PRIM2: variants seen among roughly 807,000 people sequenced by gnomAD.
The protein encoded by PRIM2 is DNA primase subunit 2.
Under a neutral mutation model 67.3 loss-of-function variants are expected in PRIM2, and 39 were observed. The observed-to-expected ratio is 0.58, with a 90% CI of 0.45 to 0.76. The LOEUF (loss-of-function observed/expected upper bound fraction) is 0.76, where lower values mean the gene tolerates loss of function less well. PRIM2 is among the 30% of genes least tolerant of loss of function. PRIM2 has a pLI of 0.00. For missense variants in PRIM2, 398 were observed against 598.7 expected (o/e 0.66, Z 3.50); for synonymous variants, 143 against 198.7 (o/e 0.72, Z 2.36).
chr6:57,504,651 T>C (rs1249422512), intron 7 of PRIM2, among the ~76,000 whole-genome samples: 1 of 152,182 alleles, frequency 6.6e-6, no homozygotes, highest in African/African-American at 2.4e-5. Flanking sequence ...CTTCCTTCTC[T>C]TTCATTCTTG....
At chr6:57,641,733 C>CAGATGCTGG (rs1412399251) in intron 13 of PRIM2, among the ~76,000 whole-genome samples, 1 of 152,150 alleles carries the variant, frequency 6.6e-6, no homozygotes, top group Non-Finnish European at 1.5e-5. Flanking sequence ...CAGGAAACAA[C>CAGATGCTGG]AGATGCTGGA....
chr6:57,564,670 A>T (rs1775702348), intron 10 of PRIM2, among the ~76,000 whole-genome samples: 1 of 152,116 alleles, frequency 6.6e-6, no homozygotes, highest in South Asian at 2.1e-4. Context: ...TATTTTGTGG[A>T]TGGTTTTGTT....
the PRIM2 span, among the ~76,000 whole-genome samples, chr6:57,302,786 A>G: frequency 6.6e-6 from 1 of 152,202 alleles, no homozygotes; most frequent in Non-Finnish European, 1.5e-5. Flanking sequence ...ATTCAAATAA[A>G]ATGACTGTTG....
chr6:57,492,416 A>G (rs1323576513), intron 7 of PRIM2, among the ~76,000 whole-genome samples: 1 of 151,804 alleles, frequency 6.6e-6, no homozygotes, highest in African/African-American at 2.4e-5. Context: ...GGTGGTGGGT[A>G]CCTGTAATCC....
chr6:57,237,941 C>T, the PRIM2 span, among the ~76,000 whole-genome samples: 1 of 151,984 alleles, frequency 6.6e-6, no homozygotes, highest in Non-Finnish European at 1.5e-5. Context: ...GACTTTAAAC[C>T]AATGACGATC....
intron 7 of PRIM2, among the ~76,000 whole-genome samples, chr6:57,474,589 G>A (rs1265635308): frequency 2.6e-5 from 4 of 151,908 alleles, no homozygotes; most frequent in African/African-American, 9.7e-5. Context: ...TACTTGTGGC[G>A]GGTATTCCTA....
At chr6:57,551,767 C>T (rs1775408085) in intron 10 of PRIM2, among the ~76,000 whole-genome samples, 1 of 152,082 alleles carries the variant, frequency 6.6e-6, no homozygotes, top group Non-Finnish European at 1.5e-5. Flanking sequence ...GTGATTACTG[C>T]TATGAAGAAA....
intron 5 of PRIM2, among the ~76,000 whole-genome samples, chr6:57,364,139 A>G (rs1357105686): frequency 7.1e-6 from 1 of 140,952 alleles, no homozygotes; most frequent in Non-Finnish European, 1.6e-5. Context: ...ATATTTTAAT[A>G]TTTGCTTTTC....
intron 8 of PRIM2, among the ~76,000 whole-genome samples, chr6:57,524,429 C>A (rs1554349175): frequency 1.3e-5 from 2 of 152,096 alleles, no homozygotes; most frequent in Admixed American, 6.5e-5. Flanking sequence ...TGGCTGGGCA[C>A]GGTGGCTCAC....
the PRIM2 span, among the ~76,000 whole-genome samples, chr6:57,277,314 C>A: frequency 1.3e-5 from 2 of 152,298 alleles, no homozygotes; most frequent in South Asian, 4.1e-4. Context: ...CCCTCATGAG[C>A]TTAGGTGTCT....
At chr6:57,242,799 C>A in the PRIM2 span, among the ~76,000 whole-genome samples, 1 of 152,130 alleles carries the variant, frequency 6.6e-6, no homozygotes, top group South Asian at 2.1e-4. Flanking sequence ...ATGATGTAAT[C>A]TGATCTGGAT....
chr6:57,553,398 G>GA (rs1350377476), intron 10 of PRIM2, among the ~76,000 whole-genome samples: 1 of 151,492 alleles, frequency 6.6e-6, no homozygotes, highest in Non-Finnish European at 1.5e-5. Flanking sequence ...ATTGCCTCTT[G>GA]AAAAATCTAT....
chr6:57,509,958 T>TTA (rs1334505825), intron 8 of PRIM2, among the ~76,000 whole-genome samples: 5 of 151,712 alleles, frequency 3.3e-5, no homozygotes, highest in Non-Finnish European at 5.9e-5. Flanking sequence ...TGCTCCACTT[T>TTA]TATAACAACT....
At chr6:57,511,875 A>G (rs1246183232) in intron 8 of PRIM2, among the ~76,000 whole-genome samples, 3 of 152,190 alleles carry the variant, frequency 2.0e-5, no homozygotes, top group Admixed American at 6.5e-5. Context: ...ATACAGACCC[A>G]CAGTTGAAGA....
At chr6:57,323,238 T>C (rs1767722373) in intron 3 of PRIM2, among the ~76,000 whole-genome samples, 1 of 152,162 alleles carries the variant, frequency 6.6e-6, no homozygotes, top group African/African-American at 2.4e-5. Flanking sequence ...CGAAATTATA[T>C]TTTCCAAATT....
At chr6:57,468,783 G>A (rs1454252138) in intron 7 of PRIM2, among the ~76,000 whole-genome samples, 3 of 152,202 alleles carry the variant, frequency 2.0e-5, no homozygotes, top group Admixed American at 2.0e-4. Context: ...ATACTTAGTG[G>A]ATAACTATGT....
Position 57,646,147 on chromosome 6 carries a change from G to T in PRIM2, c.1519G>T (p.Glu507Ter). ...GGAAGGACTAGAAGATTACTTTAGT[G>T]AAGATTCTTAGGCAGTTTTATAACC... The part of the protein sequence containing the change: ...DMEGLEDYFS[E>*]DS Residue 507 changes from glutamate (E) to a stop codon, truncating the protein, a stop_gained, in exon 14 of 14, where the codon GAA (glutamate) becomes TAA (stop). Transcript: ENST00000615550. LOFTEE classifies it high-confidence loss of function. 6.4e-7 allele frequency: 1 copy of T among 1,571,526 alleles called. No individual in the cohort carries two copies. The highest frequency in any genetic ancestry group is 1.3e-5 in the African/African-American group (1 of 74,112).
intron 5 of PRIM2, among the ~76,000 whole-genome samples, chr6:57,376,495 C>G (rs1769769677): frequency 1.3e-5 from 2 of 152,060 alleles, no homozygotes; most frequent in South Asian, 4.2e-4. Flanking sequence ...ATTGGATTGA[C>G]TCTTTTTTTT....
chr6:57,230,239 C>T, the PRIM2 span, among the ~76,000 whole-genome samples: 1 of 152,152 alleles, frequency 6.6e-6, no homozygotes, highest in African/African-American at 2.4e-5. Flanking sequence ...ATTTTTCTAG[C>T]TCCCTTTTCA....
Sources: gnomAD v4.1 joint callset for allele counts (sites outside exome capture counted in the v4.1 genomes callset) on GRCh38, gnomAD v4.1.1 for gene constraint, MANE v1.5 for transcripts, NCBI Gene and HGNC (gene_info 2026-07-23, HGNC 2026-07-21) for gene names.